Variants in BMP5 observed in about 807,000 individuals in gnomAD.
The protein encoded by BMP5 is bone morphogenetic protein 5.
Under a neutral mutation model 46.6 loss-of-function variants are expected in BMP5, and 23 were observed. That is an observed-to-expected ratio of 0.49 (90% CI 0.35 to 0.70). BMP5 has a LOEUF of 0.70. Among genes scored for constraint, BMP5 ranks in the 30% least tolerant of loss-of-function variants. BMP5 has a pLI of 0.00. For synonymous variants in BMP5, 204 were observed against 191.9 expected, an observed-to-expected ratio of 1.06 and a Z score of -0.52; for missense variants, 545 against 565.6, an observed-to-expected ratio of 0.96 and a Z score of 0.37.
chr6:55,784,778 C>A (rs1003354180), intron 3 of BMP5, among the ~76,000 whole-genome samples: 1 of 151,742 alleles, frequency 6.6e-6, no homozygotes, highest in Admixed American at 6.6e-5. Context: ...AAATTCAATT[C>A]TCTCCCTTAT....
At chr6:55,787,604 G>A (rs913670061) in intron 3 of BMP5, among the ~76,000 whole-genome samples, 1 of 151,540 alleles carries the variant, frequency 6.6e-6, no homozygotes, top group Non-Finnish European at 1.5e-5. Context: ...CAATGTTGAA[G>A]AAAAAGATGA....
intron 2 of BMP5, among the ~76,000 whole-genome samples, chr6:55,811,777 A>G (rs1247346236): frequency 6.6e-6 from 1 of 151,802 alleles, no homozygotes; most frequent in Non-Finnish European, 1.5e-5. Flanking sequence ...TGAAAAGTTC[A>G]GCTCAATAGT....
At chr6:55,831,214 C>A (rs780582342) in intron 1 of BMP5, among the ~76,000 whole-genome samples, 8 of 152,010 alleles carry the variant, frequency 5.3e-5, no homozygotes, top group Admixed American at 2.0e-4. Context: ...CAAGTTTCCA[C>A]AAAATAGCAA....
chr6:55,844,520 AT>A (rs965303098), intron 1 of BMP5, among the ~76,000 whole-genome samples: 3 of 151,852 alleles, frequency 2.0e-5, no homozygotes, highest in African/African-American at 7.2e-5. Context: ...CTTATAATGG[AT>A]TTTTTTCTCG....
chr6:55,860,361 T>C (rs1482091275), intron 1 of BMP5, among the ~76,000 whole-genome samples: 2 of 152,192 alleles, frequency 1.3e-5, no homozygotes, highest in Non-Finnish European at 2.9e-5. Context: ...AGTAAATGAT[T>C]GAAAGTGGCC....
At position 55,842,487 on chromosome 6, in the gene BMP5, G is replaced by A. The variant is rs1452639264; in HGVS notation, c.491-22640C>T. 2.6e-5 allele frequency among the ~76,000 whole-genome samples: 4 copies of A among 152,230 alleles called. No individual in the cohort carries two copies. The East Asian group carries it at 5.8e-4, about 22-fold the overall frequency. On this transcript the variant is annotated intron_variant, in intron 1 of 6. Coordinates refer to ENST00000370830, the MANE Select transcript of BMP5 (RefSeq NM_021073.4). ...ACACTCCCCCAGGTTTACAAGGAAA[G>A]CTCAGTGCCTCCACATAGCACCTTT...
rs1774740979 is a variant in BMP5 at position 55,760,396 on chromosome 6, A to C, written c.1104+61T>G. 4.1e-6 allele frequency: 6 copies of C among 1,466,042 alleles called. No homozygotes were observed. The South Asian group carries it at 5.7e-5, about 14-fold the overall frequency. 90.8% of individuals were successfully genotyped at this position (1,466,042 alleles called of 1,614,324 possible). On this transcript the variant is annotated intron_variant, in intron 5 of 6. Coordinates refer to ENST00000370830, the MANE Select transcript of BMP5 (RefSeq NM_021073.4). ...TGGAAAATTACTGCCAAAGACTATGACTTATTAAGGATTTATGATAATTCA... is the reference window on the plus strand; with the variant it reads ...TGGAAAATTACTGCCAAAGACTATGCCTTATTAAGGATTTATGATAATTCA...
intron 1 of BMP5, among the ~76,000 whole-genome samples, chr6:55,820,921 A>G (rs1428862504): frequency 6.6e-6 from 1 of 152,178 alleles, no homozygotes; most frequent in African/African-American, 2.4e-5. Context: ...GAAATGCTGA[A>G]GAATTTAGGA....
In BMP5 at chr6:55,842,568, T is replaced by C. The variant is rs1265581616; in HGVS notation, c.491-22721A>G. 3.5e-4 allele frequency among the ~76,000 whole-genome samples: 53 copies of C among 152,070 alleles called. 1 individual carries two copies. The highest frequency in any genetic ancestry group is 3.5e-3 in the Admixed American group (53 of 15,248). ...CTGCCTCAGGAACCCCAGACTCCAA[T>C]CACTGCCTCCTCAATTCACTGGCTG... On this transcript the variant is annotated intron_variant, in intron 1 of 6. Transcript: ENST00000370830.
chr6:55,859,399 T>TA (rs925176384), intron 1 of BMP5, among the ~76,000 whole-genome samples: 5 of 151,996 alleles, frequency 3.3e-5, no homozygotes, highest in Admixed American at 6.6e-5. Context: ...TAGTAAAAAC[T>TA]AAAAAAATTG....
chr6:55,789,439 T>C (rs993380349), intron 3 of BMP5, among the ~76,000 whole-genome samples: 1 of 151,932 alleles, frequency 6.6e-6, no homozygotes, highest in African/African-American at 2.4e-5. Flanking sequence ...TTATAGTGTT[T>C]GGGGGGAAAA....
intron 2 of BMP5, among the ~76,000 whole-genome samples, chr6:55,815,675 G>A (rs9296802): frequency 0.1 from 15,479 of 152,064 alleles, 904 homozygotes; most frequent in East Asian, 0.14. Flanking sequence ...AAAAATATCA[G>A]AGGTGCAAGA....
intron 1 of BMP5, 58 bp downstream of exon 1, chr6:55,874,318 A>T: frequency 6.2e-7 from 1 of 1,608,616 alleles, no homozygotes; most frequent in Non-Finnish European, 8.5e-7. Context: ...CTCCTTTACC[A>T]TTAGGGAAAA....
rs560653939 is a variant in BMP5 at position 55,875,347 on chromosome 6, G to A, written c.-482C>T. On this transcript the variant is annotated 5_prime_UTR_variant, in exon 1 of 7. Coordinates refer to ENST00000370830, the MANE Select transcript of BMP5 (RefSeq NM_021073.4). ...CCTGATTTCTGAATCACAGATCTAT[G>A]CTGATCTGCACCTTGGTGTTGGAAT... The A allele has an allele frequency of 2.9e-4, 54 of 184,192 alleles. No individual in the cohort carries two copies. The highest frequency in any genetic ancestry group is 5.6e-4 in the Non-Finnish European group (49 of 87,300). 11.4% of individuals were successfully genotyped at this position (184,192 alleles called of 1,614,324 possible).
chr6:55,804,654 T>C (rs2127532833), intron 2 of BMP5, among the ~76,000 whole-genome samples: 1 of 152,306 alleles, frequency 6.6e-6, no homozygotes, highest in South Asian at 2.1e-4. Flanking sequence ...AGGAGGCTGA[T>C]GGTAGATGAC....
rs1777877029 is a variant in BMP5, at chr6:55,875,012, A to G, written c.-147T>C. On this transcript the variant is annotated 5_prime_UTR_variant, in exon 1 of 7. Transcript: ENST00000370830. Reference sequence around the variant, plus strand: ...CATGACAGTGACATTTCTGAGCACAACATCCTCACCGATTTTCCTGTCCTA... The same window carrying G: ...CATGACAGTGACATTTCTGAGCACAGCATCCTCACCGATTTTCCTGTCCTA... 3 of 852,908 alleles carry G rather than the reference A, an allele frequency of 3.5e-6. No homozygotes were observed. The highest frequency in any genetic ancestry group is 3.6e-6 in the Non-Finnish European group (2 of 549,460). The allele number at this position is 852,908 out of a possible 1,614,324, so 52.8% of individuals were successfully genotyped here. A position where few individuals can be genotyped will look rare whatever the true frequency, so the allele number is the denominator to read the frequency against.
At chr6:55,819,912 A>T in intron 1 of BMP5, 65 bp from the exon 2 acceptor site, 1 of 1,345,604 alleles carries the variant, frequency 7.4e-7, no homozygotes, top group East Asian at 2.4e-5. Flanking sequence ...GAAATTAATG[A>T]TAAATTCTCC....
intron 1 of BMP5, among the ~76,000 whole-genome samples, chr6:55,821,981 A>G (rs1776420238): frequency 6.6e-6 from 1 of 152,234 alleles, no homozygotes. Context: ...TCTAAATAGC[A>G]TTTATATGCC....
chr6:55,755,449 T>G lies in BMP5; in HGVS notation c.*84A>C. The G allele has an allele frequency of 7.4e-7, 1 of 1,358,844 alleles. No individual in the cohort carries two copies. The highest frequency in any genetic ancestry group is 1.0e-6 in the Non-Finnish European group (1 of 970,232). The allele number at this position is 1,358,844 out of a possible 1,614,324, so 84.2% of individuals were successfully genotyped here. A position where few individuals can be genotyped will look rare whatever the true frequency, so the allele number is the denominator to read the frequency against. On this transcript the variant is annotated 3_prime_UTR_variant, in exon 7 of 7. Coordinates refer to ENST00000370830, the MANE Select transcript of BMP5 (RefSeq NM_021073.4). ...ATGAGCCAGACTAATTTTAGGAAAT[T>G]CCCCGTTTGTCTGAAAGTATGCTTT...
Sources: gnomAD v4.1 joint callset for allele counts (sites outside exome capture counted in the v4.1 genomes callset) on GRCh38, gnomAD v4.1.1 for gene constraint, MANE v1.5 for transcripts, NCBI Gene and HGNC (gene_info 2026-07-23, HGNC 2026-07-21) for gene names.